POP4: variants seen among roughly 807,000 people sequenced by gnomAD.
POP4 encodes the protein POP4 ribonuclease P/MRP subunit.
A neutral mutation model predicts 29.9 loss-of-function variants in POP4; 31 were observed. The observed-to-expected ratio is 1.04, with a 90% CI of 0.78 to 1.40. POP4 has a LOEUF of 1.40. Ranked by LOEUF, POP4 falls within the 40% of genes most tolerant of loss-of-function variation. POP4 has a pLI of 0.00. For missense variants in POP4, 286 were observed against 282.7 expected (o/e 1.01, Z -0.08); for synonymous variants, 110 against 108.2 (o/e 1.02, Z -0.10).
chr19:29,607,568 A>G (rs528005889), intron 1 of POP4, among the ~76,000 whole-genome samples: 2 of 152,362 alleles, frequency 1.3e-5, no homozygotes, highest in Admixed American at 1.3e-4. Context: ...TACATTTTCT[A>G]GCTATTTAGC....
intron 5 of POP4, among the ~76,000 whole-genome samples, chr19:29,612,980 G>A (rs545964637): frequency 5.4e-4 from 82 of 152,244 alleles, no homozygotes; most frequent in Non-Finnish European, 9.9e-4. Flanking sequence ...CCTTGCTGTG[G>A]TCTAAGGCCT....
At chr19:29,611,580 G>C in intron 3 of POP4, 1 of 344,860 alleles carries the variant, frequency 2.9e-6, no homozygotes, top group Non-Finnish European at 5.3e-6. Context: ...CAAAATAACA[G>C]TAGCTTCAAC....
At chr19:29,610,772 T>A in intron 3 of POP4, 140 bp downstream of exon 3, 1 of 815,476 alleles carries the variant, frequency 1.2e-6, no homozygotes, top group Non-Finnish European at 1.9e-6. Flanking sequence ...GAGGGCAGCC[T>A]TCCTTTACCA....
At chr19:29,614,379 C>T (rs543313510) in intron 6 of POP4, among the ~76,000 whole-genome samples, 2 of 152,366 alleles carry the variant, frequency 1.3e-5, no homozygotes, top group South Asian at 4.1e-4. Context: ...GGCGATAACA[C>T]TTGGGTTCCA....
chr19:29,612,000 A>C (rs527981097), intron 4 of POP4, 61 bp downstream of exon 4: 78 of 1,592,612 alleles, frequency 4.9e-5, no homozygotes, highest in Non-Finnish European at 6.4e-5. Flanking sequence ...GATCATTGTA[A>C]ATGCGGCTTC....
chr19:29,610,427 GCCGAGGC>G lies in POP4; in HGVS notation c.81_87del (p.Glu28SerfsTer2). 1 of 1,569,226 alleles carries G rather than the reference GCCGAGGC, an allele frequency of 6.4e-7. No individual in the cohort carries two copies. On this transcript the variant is annotated frameshift_variant, in exon 3 of 7. Coordinates refer to ENST00000585603, the MANE Select transcript of POP4 (RefSeq NM_006627.3). LOFTEE classifies it high-confidence loss of function. Reference sequence around the variant, plus strand: ...CCTGCAGCCTTCAGGAGCACAGCGGGCCGAGGCCTTCGTGAGGGCCTTCCTGAAGCGC... The same window carrying G: ...CCTGCAGCCTTCAGGAGCACAGCGGGCTTCGTGAGGGCCTTCCTGAAGCGC...
intron 3 of POP4, chr19:29,610,839 C>A: frequency 1.7e-6 from 1 of 585,886 alleles, no homozygotes; most frequent in East Asian, 2.9e-5. Flanking sequence ...GGCCTCTCTC[C>A]TCACCTTCAG....
chr19:29,607,037 G>A (rs1268583651), intron 1 of POP4, among the ~76,000 whole-genome samples: 1 of 152,118 alleles, frequency 6.6e-6, no homozygotes, highest in Non-Finnish European at 1.5e-5. Context: ...AAGTTATCAG[G>A]CCCCGCAAGT....
chr19:29,615,153 T>G, intron 6 of POP4, 91 bp from the exon 7 acceptor site: 1 of 1,345,240 alleles, frequency 7.4e-7, no homozygotes, highest in Non-Finnish European at 9.8e-7. Context: ...TCATTCAATG[T>G]GTTCTGAATA....
chr19:29,613,073 C>A (rs1368276271), intron 5 of POP4: 1 of 152,870 alleles, frequency 6.5e-6, no homozygotes, highest in East Asian at 1.9e-4. Flanking sequence ...CTTACCTCTA[C>A]CCGGGAGTTC....
Position 29,615,609 on chromosome 19 carries a change from A to C in POP4, c.*229A>C. 1 of 449,236 alleles carries C rather than the reference A, an allele frequency of 2.2e-6. No homozygotes were observed. The highest frequency in any genetic ancestry group is 3.9e-6 in the Non-Finnish European group (1 of 255,370). The allele number at this position is 449,236 out of a possible 1,614,324, so 27.8% of individuals were successfully genotyped here. ...TTCTAGGAGATTTTCATTTTGTGTG[A>C]CTCCCATGGGGAGGAACAGACTGGC... On this transcript the variant is annotated 3_prime_UTR_variant, in exon 7 of 7. Coordinates refer to ENST00000585603, the MANE Select transcript of POP4 (RefSeq NM_006627.3).
intron 1 of POP4, among the ~76,000 whole-genome samples, chr19:29,606,845 A>G (rs1971004280): frequency 6.6e-6 from 1 of 150,922 alleles, no homozygotes; most frequent in Non-Finnish European, 1.5e-5. Flanking sequence ...CTATATGATC[A>G]AGTAGATTGT....
intron 5 of POP4, 23 bp from the exon 6 acceptor site, chr19:29,613,848 G>A: frequency 1.2e-6 from 2 of 1,606,458 alleles, no homozygotes; most frequent in Non-Finnish European, 8.5e-7. Flanking sequence ...GCCTGAGCCT[G>A]GAACTGTCCT....
At chr19:29,608,262 CTTTTTTTTTTTT>C (rs1164860504) in intron 1 of POP4, among the ~76,000 whole-genome samples, 1 of 86,578 alleles carries the variant, frequency 1.2e-5, no homozygotes, top group South Asian at 4.4e-4. Context: ...CTTTTCTTTT[CTTTTTTTTTTTT>C]TTTTTTTTTT....
intron 6 of POP4, 96 bp downstream of exon 6, chr19:29,614,068 C>A (rs1298958433): frequency 1.3e-6 from 2 of 1,503,508 alleles, no homozygotes; most frequent in South Asian, 2.7e-5. Flanking sequence ...GATTTGACCC[C>A]TCAAGTCAGC....
At position 29,608,721 on chromosome 19, in the gene POP4, G is replaced by T. The variant is rs1478614955; in HGVS notation, c.60+12G>T. ...ACTCCGATGTCCAGGTCAGTTCTTGGCAGGGAGTCCAGGAGCAACAGAGGT... is the reference window on the plus strand; with the variant it reads ...ACTCCGATGTCCAGGTCAGTTCTTGTCAGGGAGTCCAGGAGCAACAGAGGT... On this transcript the variant is annotated intron_variant, in intron 2 of 6. Coordinates refer to ENST00000585603, the MANE Select transcript of POP4 (RefSeq NM_006627.3). 6.2e-7 allele frequency: 1 copy of T among 1,613,130 alleles called. No homozygotes were observed. The highest frequency in any genetic ancestry group is 2.2e-5 in the East Asian group (1 of 44,878).
intron 3 of POP4, chr19:29,610,873 C>G (rs1207251543): frequency 1.9e-6 from 1 of 532,802 alleles, no homozygotes; most frequent in East Asian, 3.2e-5. Flanking sequence ...GCAAGTACAT[C>G]TGTTGCCCAT....
Position 29,615,474 on chromosome 19 carries a change from C to G in POP4, c.*94C>G. The G allele has an allele frequency of 7.1e-7, 1 of 1,401,296 alleles. No homozygotes were observed. Among genetic ancestry groups the G allele is most frequent in the Non-Finnish European group, 9.8e-7 (1 of 1,025,006 alleles). 86.8% of individuals were successfully genotyped at this position (1,401,296 alleles called of 1,614,324 possible). ...CAGTGAAGAGATAGTTAAGCCAATT[C>G]CATTTATAGACCACCTCCAGCCAGT... On this transcript the variant is annotated 3_prime_UTR_variant, in exon 7 of 7. Transcript: ENST00000585603.
At chr19:29,611,349 G>A (rs1311198520) in intron 3 of POP4, among the ~76,000 whole-genome samples, 1 of 152,182 alleles carries the variant, frequency 6.6e-6, no homozygotes, top group Non-Finnish European at 1.5e-5. Context: ...CTAACCTAAG[G>A]CTTTGTGGTA....
Sources: allele counts gnomAD v4.1 joint callset (sites outside exome capture counted in the v4.1 genomes callset), GRCh38; gene constraint gnomAD v4.1.1; transcripts MANE v1.5; gene names NCBI Gene and HGNC (gene_info 2026-07-23, HGNC 2026-07-21).